Variants in ANTXR2 observed in about 807,000 individuals in gnomAD.
ANTXR2 encodes ANTXR cell adhesion molecule 2.
ANTXR2 carries 44 observed loss-of-function variants against 73.7 expected under a neutral mutation model. That is an observed-to-expected ratio of 0.60 (90% CI 0.47 to 0.77). The LOEUF is 0.77. Among genes scored for constraint, ANTXR2 ranks in the 30% least tolerant of loss-of-function variants. ANTXR2 has a pLI of 0.00. For missense variants in ANTXR2, 604 were observed against 592.5 expected (o/e 1.02, Z -0.20); for synonymous variants, 217 against 205.9 (o/e 1.05, Z -0.46).
At position 79,905,348 on chromosome 4, in the gene ANTXR2, G is replaced by C. The variant is rs542578819; in HGVS notation, c.*2081C>G. On this transcript the variant is annotated 3_prime_UTR_variant, in exon 17 of 17. Coordinates refer to ENST00000403729, the MANE Select transcript of ANTXR2 (RefSeq NM_058172.6). Reference sequence around the variant, plus strand: ...AGGTCTTGTTCCAGATGCAAATGCAGAACAAAGGGATACAATAACTCATTG... The same window carrying C: ...AGGTCTTGTTCCAGATGCAAATGCACAACAAAGGGATACAATAACTCATTG... The C allele has an allele frequency of 7.9e-5, 12 of 152,260 alleles. No homozygotes were observed. Among genetic ancestry groups the C allele is most frequent in the African/African-American group, 2.9e-4 (12 of 41,566 alleles). The allele number at this position is 152,260 out of a possible 1,614,324, so 9.4% of individuals were successfully genotyped here.
intron 3 of ANTXR2, among the ~76,000 whole-genome samples, chr4:80,058,042 C>T (rs2110111235): frequency 6.6e-6 from 1 of 152,148 alleles, no homozygotes; most frequent in South Asian, 2.1e-4. Flanking sequence ...ATATTTGGTG[C>T]TTTTCAGAAA....
intron 16 of ANTXR2, among the ~76,000 whole-genome samples, chr4:79,945,462 A>G (rs770943170): frequency 2.0e-5 from 3 of 152,134 alleles, no homozygotes; most frequent in Non-Finnish European, 2.9e-5. Context: ...ACTCTATGCC[A>G]GGCAATCTTT....
chr4:80,048,625 T>G (rs1450992297), intron 7 of ANTXR2, among the ~76,000 whole-genome samples: 1 of 151,766 alleles, frequency 6.6e-6, no homozygotes, highest in African/African-American at 2.4e-5. Context: ...CTAAAATCAC[T>G]TAAGCTAAGG....
Position 79,903,956 on chromosome 4 carries a change from T to C in ANTXR2, c.*3473A>G, listed in dbSNP as rs1427833463. The C allele has an allele frequency of 3.3e-5, 5 of 152,190 alleles. No individual in the cohort carries two copies. Among genetic ancestry groups the C allele is most frequent in the Admixed American group, 1.3e-4 (2 of 15,260 alleles). 9.4% of individuals were successfully genotyped at this position (152,190 alleles called of 1,614,324 possible). A position where few individuals can be genotyped will look rare whatever the true frequency, so the allele number is the denominator to read the frequency against. ...AAATGCTAGTAAAAGCTAACCAATATACAATATATGCATGGAGTAGGAAGT... is the reference window on the plus strand; with the variant it reads ...AAATGCTAGTAAAAGCTAACCAATACACAATATATGCATGGAGTAGGAAGT... On this transcript the variant is annotated 3_prime_UTR_variant, in exon 17 of 17. Transcript: ENST00000403729.
At chr4:79,992,635 T>C in intron 12 of ANTXR2, among the ~76,000 whole-genome samples, 1 of 151,948 alleles carries the variant, frequency 6.6e-6, no homozygotes, top group Admixed American at 6.6e-5. Flanking sequence ...CAAAATAAAG[T>C]TAAGTTCATC....
intron 16 of ANTXR2, among the ~76,000 whole-genome samples, chr4:79,965,926 A>G (rs1344343972): frequency 6.6e-6 from 1 of 152,226 alleles, no homozygotes; most frequent in Non-Finnish European, 1.5e-5. Flanking sequence ...TCTTAAAAAT[A>G]TAAAATCTTT....
At chr4:80,010,716 A>G (rs1296548712) in intron 11 of ANTXR2, among the ~76,000 whole-genome samples, 1 of 152,200 alleles carries the variant, frequency 6.6e-6, no homozygotes, top group East Asian at 1.9e-4. Flanking sequence ...GCCCTGCTAG[A>G]TACTCAAAAT....
chr4:80,009,783 T>C (rs1299824466), intron 11 of ANTXR2, among the ~76,000 whole-genome samples: 1 of 149,740 alleles, frequency 6.7e-6, no homozygotes, highest in Non-Finnish European at 1.5e-5. Context: ...GGAGGTGGAG[T>C]TTGCCATGAG....
chr4:80,055,258 G>A (rs1211320983), intron 5 of ANTXR2, 40 bp from the exon 6 acceptor site: 2 of 1,547,756 alleles, frequency 1.3e-6, no homozygotes, highest in South Asian at 1.2e-5. Context: ...AAAAAGAGAG[G>A]GGAGAGGGAG....
At chr4:79,997,879 CCATGAAAG>C (rs1011331824) in intron 12 of ANTXR2, among the ~76,000 whole-genome samples, 1 of 151,806 alleles carries the variant, frequency 6.6e-6, no homozygotes, top group Non-Finnish European at 1.5e-5. Context: ...GAAAGCATCA[CCATGAAAG>C]CATGAAAGAC....
chr4:79,923,494 T>C (rs1328419385), intron 16 of ANTXR2, among the ~76,000 whole-genome samples: 1 of 152,012 alleles, frequency 6.6e-6, no homozygotes, highest in Non-Finnish European at 1.5e-5. Context: ...AGGAAACAAG[T>C]AGGCATCGGA....
intron 12 of ANTXR2, among the ~76,000 whole-genome samples, chr4:80,000,664 T>C (rs1285730923): frequency 6.6e-6 from 1 of 152,112 alleles, no homozygotes; most frequent in Non-Finnish European, 1.5e-5. Flanking sequence ...AGGATAATGT[T>C]ATAAGAATTT....
Position 80,071,667 on chromosome 4 carries a change from A to G in ANTXR2, c.153-13T>C, listed in dbSNP as rs752581785. 2 of 1,598,524 alleles carry G rather than the reference A, an allele frequency of 1.3e-6. No homozygotes were observed. On this transcript the variant is annotated splice_polypyrimidine_tract_variant and intron_variant, in intron 1 of 16. Transcript: ENST00000403729. The stretch of plus-strand genomic sequence containing the variant: ...CACACTCCCAGACCTGAAAGATGAA[A>G]TTGAACTGATCAGAGAAACAAAACA...
chr4:79,984,743 AT>A (rs1182835632), intron 13 of ANTXR2, 75 bp downstream of exon 13: 1 of 1,267,456 alleles, frequency 7.9e-7, no homozygotes, highest in African/African-American at 1.5e-5. Context: ...AACAGACAAA[AT>A]TGATTAAATT....
At chr4:80,072,269 T>C in intron 1 of ANTXR2, 140 bp downstream of exon 1, 1 of 994,664 alleles carries the variant, frequency 1.0e-6, no homozygotes, top group East Asian at 3.2e-5. Flanking sequence ...GCTTGCCCTT[T>C]GAAAGAAGAC....
At chr4:79,965,674 A>G (rs985714927) in intron 16 of ANTXR2, among the ~76,000 whole-genome samples, 1 of 152,212 alleles carries the variant, frequency 6.6e-6, no homozygotes, top group Non-Finnish European at 1.5e-5. Flanking sequence ...TATATTCACC[A>G]ATTTACATGT....
At chr4:79,980,319 A>T (rs967078912) in intron 14 of ANTXR2, among the ~76,000 whole-genome samples, 99 of 152,138 alleles carry the variant, frequency 6.5e-4, no homozygotes, top group African/African-American at 2.3e-3. Context: ...CAGTTTTCAA[A>T]CTCTTAAAAA....
intron 3 of ANTXR2, among the ~76,000 whole-genome samples, chr4:80,060,892 G>A (rs568211412): frequency 1.3e-5 from 2 of 152,202 alleles, no homozygotes; most frequent in South Asian, 4.1e-4. Context: ...ACTGTGCATT[G>A]AATGAGCAGT....
rs369920045 is a variant in ANTXR2 at position 80,059,237 on chromosome 4, T to C, written c.297-3224A>G. On this transcript the variant is annotated intron_variant, in intron 3 of 16. Coordinates refer to ENST00000403729, the MANE Select transcript of ANTXR2 (RefSeq NM_058172.6). ...CAAACAAAATGTTATATTAAAGCCCTGGTTTTCTTTAATTGAGAATTGGGG... is the reference window on the plus strand; with the variant it reads ...CAAACAAAATGTTATATTAAAGCCCCGGTTTTCTTTAATTGAGAATTGGGG... 1.5e-4 allele frequency among the ~76,000 whole-genome samples: 23 copies of C among 152,192 alleles called. No individual in the cohort carries two copies. In the East Asian group the frequency reaches 4.1e-3, roughly 27 times the overall value.
Sources: gnomAD v4.1 joint callset for allele counts (sites outside exome capture counted in the v4.1 genomes callset) on GRCh38, gnomAD v4.1.1 for gene constraint, MANE v1.5 for transcripts, NCBI Gene and HGNC (gene_info 2026-07-23, HGNC 2026-07-21) for gene names.